Variants in FHIT observed in about 807,000 individuals in gnomAD.
FHIT encodes fragile histidine triad diadenosine triphosphatase.
FHIT carries 19 observed loss-of-function variants against 17.9 expected under a neutral mutation model. That is an observed-to-expected ratio of 1.06 (90% confidence interval 0.74 to 1.56). FHIT has a LOEUF of 1.56. Ranked by LOEUF, FHIT falls within the 40% of genes most tolerant of loss-of-function variation. The probability of loss-of-function intolerance (pLI) is 0.00; values close to 1 mark genes in which losing one functional copy is unlikely to be tolerated. For missense variants in FHIT, 248 were observed against 189.2 expected, an observed-to-expected ratio of 1.31 and a Z score of -1.82; for synonymous variants, 81 against 69.7, an observed-to-expected ratio of 1.16 and a Z score of -0.81.
At chr3:60,089,135 G>T (rs566916982) in intron 5 of FHIT, among the ~76,000 whole-genome samples, 11 of 152,206 alleles carry the variant, frequency 7.2e-5, no homozygotes, top group African/African-American at 2.4e-4. Context: ...AATTCCACAC[G>T]GTTCCACAGG....
chr3:60,749,847 C>T (rs2042431909), intron 4 of FHIT, among the ~76,000 whole-genome samples: 1 of 152,086 alleles, frequency 6.6e-6, no homozygotes, highest in South Asian at 2.1e-4. Flanking sequence ...AGAAGGTAAG[C>T]AACAAATCTT....
intron 5 of FHIT, among the ~76,000 whole-genome samples, chr3:60,391,415 T>G (rs1431601782): frequency 6.6e-6 from 1 of 152,204 alleles, no homozygotes; most frequent in African/African-American, 2.4e-5. Flanking sequence ...TAGCATAGCC[T>G]AAGTGTATCA....
chr3:60,276,150 C>A (rs1055970061), intron 5 of FHIT, among the ~76,000 whole-genome samples: 1 of 152,002 alleles, frequency 6.6e-6, no homozygotes, highest in African/African-American at 2.4e-5. Context: ...ACCAGGCTGG[C>A]TAATTTTTTG....
chr3:60,579,224 T>C (rs2037674722), intron 4 of FHIT, among the ~76,000 whole-genome samples: 1 of 152,198 alleles, frequency 6.6e-6, no homozygotes, highest in Non-Finnish European at 1.5e-5. Flanking sequence ...ACTATACACA[T>C]AGGCTATACG....
chr3:60,283,210 G>C lies in FHIT; in HGVS notation c.103+253650C>G, dbSNP rs534288266. 3.3e-5 allele frequency among the ~76,000 whole-genome samples: 5 copies of C among 152,084 alleles called. 1 individual carries two copies. The highest frequency in any genetic ancestry group is 1.2e-4 in the African/African-American group (5 of 41,516). On this transcript the variant is annotated intron_variant, in intron 5 of 9. Transcript: ENST00000492590. ...AAATCTGGAAAGAACTGATTTAGGA[G>C]AGCGAAAAACAGGGATATATACACA...
chr3:60,922,803 C>T (rs1163594380), intron 3 of FHIT, among the ~76,000 whole-genome samples: 1 of 152,146 alleles, frequency 6.6e-6, no homozygotes, highest in Non-Finnish European at 1.5e-5. Flanking sequence ...ACTACCACTT[C>T]CAGAACCAGT....
chr3:61,132,802 C>T, intron 2 of FHIT, among the ~76,000 whole-genome samples: 1 of 152,070 alleles, frequency 6.6e-6, no homozygotes, highest in Admixed American at 6.5e-5. Context: ...ACGTTAAGAT[C>T]TTACTCTGGA....
chr3:60,684,945 GC>G (rs1393227641), intron 4 of FHIT, among the ~76,000 whole-genome samples: 3 of 152,272 alleles, frequency 2.0e-5, no homozygotes, highest in African/African-American at 7.2e-5. Context: ...TATACTCTGA[GC>G]TTTCTTCTTT....
chr3:60,270,665 A>G (rs1706814911), intron 5 of FHIT, among the ~76,000 whole-genome samples: 1 of 152,254 alleles, frequency 6.6e-6, no homozygotes, highest in Admixed American at 6.5e-5. Context: ...GTAGGAAAAA[A>G]GCTCAAATAA....
At chr3:60,927,393 G>A (rs1441987575) in intron 3 of FHIT, among the ~76,000 whole-genome samples, 1 of 152,162 alleles carries the variant, frequency 6.6e-6, no homozygotes, top group Non-Finnish European at 1.5e-5. Flanking sequence ...TGCAGCCTCT[G>A]CCCCGCCGCC....
At chr3:60,534,712 A>T (rs2035919843) in intron 5 of FHIT, among the ~76,000 whole-genome samples, 1 of 152,124 alleles carries the variant, frequency 6.6e-6, no homozygotes, top group African/African-American at 2.4e-5. Context: ...GAAGTGTGTT[A>T]ATTTTAATAA....
At chr3:60,962,707 G>T (rs1161733086) in intron 3 of FHIT, among the ~76,000 whole-genome samples, 1 of 152,110 alleles carries the variant, frequency 6.6e-6, no homozygotes, top group African/African-American at 2.4e-5. Context: ...TTTGTCTTTG[G>T]TTCTGTTTAT....
In FHIT at chr3:59,916,010, C is replaced by T. The variant is rs553922783; in HGVS notation, c.348+6336G>A. Among the ~76,000 whole-genome samples, 5 of 151,494 alleles carry T rather than the reference C, an allele frequency of 3.3e-5. No individual in the cohort carries two copies. In the East Asian group the frequency reaches 7.8e-4, roughly 24 times the overall value. On this transcript the variant is annotated intron_variant, in intron 8 of 9. Coordinates refer to ENST00000492590, the MANE Select transcript of FHIT (RefSeq NM_002012.4). ...TGTGACAGTTAATATTGAGTGTCAA[C>T]TTGATTGGACTGAAGGATGCAAAGT...
intron 5 of FHIT, among the ~76,000 whole-genome samples, chr3:60,048,398 G>A (rs1050220279): frequency 6.6e-6 from 1 of 152,092 alleles, no homozygotes; most frequent in Non-Finnish European, 1.5e-5. Context: ...GGATGGGCTC[G>A]ATCTCCTGAC....
At chr3:59,947,737 T>C (rs1490461587) in intron 7 of FHIT, among the ~76,000 whole-genome samples, 1 of 152,170 alleles carries the variant, frequency 6.6e-6, no homozygotes, top group Non-Finnish European at 1.5e-5. Flanking sequence ...GTTCCCCATC[T>C]TCTGGAAACA....
At chr3:59,853,381 T>C (rs1410361059) in intron 8 of FHIT, among the ~76,000 whole-genome samples, 1 of 152,230 alleles carries the variant, frequency 6.6e-6, no homozygotes, top group African/African-American at 2.4e-5. Flanking sequence ...TCAAGTTTGG[T>C]GAATTTCATA....
chr3:60,392,429 C>T (rs913149335), intron 5 of FHIT, among the ~76,000 whole-genome samples: 1 of 152,106 alleles, frequency 6.6e-6, no homozygotes, highest in Non-Finnish European at 1.5e-5. Context: ...CAGTGGCAGA[C>T]CATCAACATC....
At chr3:61,000,921 G>T (rs6446174) in intron 3 of FHIT, among the ~76,000 whole-genome samples, 120,426 of 151,774 alleles carry the variant, frequency 0.79, 47,831 homozygotes, top group South Asian at 0.83. Context: ...ATCTGACAAA[G>T]AATTACTATC....
intron 5 of FHIT, among the ~76,000 whole-genome samples, chr3:60,094,337 G>A (rs941630185): frequency 3.3e-5 from 5 of 152,010 alleles, no homozygotes; most frequent in Non-Finnish European, 5.9e-5. Flanking sequence ...ATATATTTTG[G>A]GATGACAGGT....
Sources: gnomAD v4.1 joint callset for allele counts (sites outside exome capture counted in the v4.1 genomes callset) on GRCh38, gnomAD v4.1.1 for gene constraint, MANE v1.5 for transcripts, NCBI Gene and HGNC (gene_info 2026-07-23, HGNC 2026-07-21) for gene names.